PRKN: variants seen among roughly 807,000 people sequenced by gnomAD.
The protein encoded by PRKN is parkin RBR E3 ubiquitin protein ligase, also known as E3 ubiquitin-protein ligase parkin.
PRKN carries 56 observed loss-of-function variants against 59.5 expected under a neutral mutation model. That is an observed-to-expected ratio of 0.94 (90% CI 0.76 to 1.18). The LOEUF is 1.18. PRKN is among the 50% of genes most tolerant of loss of function. The pLI, the probability that PRKN is intolerant of heterozygous loss-of-function variation, is 0.00. For missense variants in PRKN, 657 were observed against 596.4 expected, an observed-to-expected ratio of 1.10 and a Z score of -1.06; for synonymous variants, 250 against 222.1, an observed-to-expected ratio of 1.13 and a Z score of -1.12.
intron 6 of PRKN, among the ~76,000 whole-genome samples, chr6:161,970,950 G>A (rs1401542303): frequency 2.0e-5 from 3 of 152,144 alleles, no homozygotes; most frequent in East Asian, 1.9e-4. Flanking sequence ...CCGTGCAGGC[G>A]CTCATAATGT....
chr6:162,206,749 C>T (rs1303965535), intron 3 of PRKN, among the ~76,000 whole-genome samples: 2 of 152,136 alleles, frequency 1.3e-5, no homozygotes, highest in African/African-American at 4.8e-5. Context: ...AACCTTCTTC[C>T]TCATCATCCA....
At chr6:161,766,372 A>G (rs992402830) in intron 7 of PRKN, among the ~76,000 whole-genome samples, 16 of 148,626 alleles carry the variant, frequency 1.1e-4, no homozygotes, top group African/African-American at 3.7e-4. Flanking sequence ...CAGTGGCTCA[A>G]TCTTGGCTCA....
chr6:162,144,078 G>A (rs1271820722), intron 4 of PRKN, among the ~76,000 whole-genome samples: 1 of 152,122 alleles, frequency 6.6e-6, no homozygotes, highest in Non-Finnish European at 1.5e-5. Context: ...ACTTAAGAAG[G>A]CAAAGAAAGG....
At position 161,922,483 on chromosome 6, in the gene PRKN, ATG is replaced by A. The variant is rs1405639238; in HGVS notation, c.734+50817_734+50818del. 2.9e-5 allele frequency among the ~76,000 whole-genome samples: 4 copies of A among 139,672 alleles called. No individual in the cohort carries two copies. In the East Asian group the frequency reaches 7.7e-4, roughly 27 times the overall value. The allele number at this position is 139,672 out of a possible 152,430, so 91.6% of individuals were successfully genotyped here. ...CTGTTAAGGGAAGGGGGAAATACAT[ATG>A]TGTGTGTATATATACTTATATTTGT... On this transcript the variant is annotated intron_variant, in intron 6 of 11. Transcript: ENST00000366898.
At chr6:161,726,154 C>G (rs140549330) in intron 7 of PRKN, among the ~76,000 whole-genome samples, 7 of 152,286 alleles carry the variant, frequency 4.6e-5, no homozygotes, top group Middle Eastern at 3.4e-3. Flanking sequence ...CAGAGAGGGA[C>G]TGAAATAAAA....
At chr6:162,496,643 T>C (rs761915982) in intron 1 of PRKN, among the ~76,000 whole-genome samples, 1 of 152,220 alleles carries the variant, frequency 6.6e-6, no homozygotes, top group Non-Finnish European at 1.5e-5. Context: ...TTCTGGCTCC[T>C]CGCAATGATC....
intron 7 of PRKN, among the ~76,000 whole-genome samples, chr6:161,689,846 G>A (rs889170030): frequency 2.6e-5 from 4 of 151,984 alleles, no homozygotes; most frequent in African/African-American, 9.7e-5. Flanking sequence ...AAGTAGCTGG[G>A]ATTACATACA....
At chr6:161,528,362 T>C (rs1486386973) in intron 9 of PRKN, among the ~76,000 whole-genome samples, 1 of 150,786 alleles carries the variant, frequency 6.6e-6, no homozygotes, top group African/African-American at 2.5e-5. Context: ...CCAGGAGCTG[T>C]TCCTCCACCC....
At chr6:161,917,257 C>T (rs541957948) in intron 6 of PRKN, among the ~76,000 whole-genome samples, 3 of 152,098 alleles carry the variant, frequency 2.0e-5, no homozygotes, top group Non-Finnish European at 4.4e-5. Flanking sequence ...AGGTGTGTGC[C>T]ACCATGCCTG....
intron 2 of PRKN, among the ~76,000 whole-genome samples, chr6:162,276,707 CTGTGTG>C (rs34617876): frequency 6.9e-6 from 1 of 144,430 alleles, no homozygotes; most frequent in Admixed American, 6.9e-5. Context: ...GTGTGTGTGT[CTGTGTG>C]TGTGTGTGTG....
intron 4 of PRKN, among the ~76,000 whole-genome samples, chr6:162,110,291 T>C (rs891431222): frequency 1.3e-5 from 2 of 152,156 alleles, no homozygotes; most frequent in East Asian, 1.9e-4. Flanking sequence ...TTCTACCATA[T>C]AGTAAAATGG....
At chr6:161,832,346 G>A (rs1025269687) in intron 6 of PRKN, among the ~76,000 whole-genome samples, 3 of 152,036 alleles carry the variant, frequency 2.0e-5, no homozygotes, top group South Asian at 2.1e-4. Flanking sequence ...AATATCGGCC[G>A]GGTGGGGTGG....
rs1205692006 is a variant in PRKN at position 161,554,239 on chromosome 6, T to C, written c.934-5236A>G. On this transcript the variant is annotated intron_variant, in intron 8 of 11. Coordinates refer to ENST00000366898, the MANE Select transcript of PRKN (RefSeq NM_004562.3). This position sits in a 1 kb window ranked among gnomAD's most constrained non-coding sequence, Gnocchi z 4.5. ...ACACAATTTCAGAATAACAATACCA[T>C]CACTGTGCCTATGATTTCTGAAAAC... Among the ~76,000 whole-genome samples the C allele has an allele frequency of 6.6e-6, 1 of 152,204 alleles. No individual in the cohort carries two copies. The highest frequency in any genetic ancestry group is 6.5e-5 in the Admixed American group (1 of 15,272).
chr6:161,953,001 A>G (rs1780045007), intron 6 of PRKN, among the ~76,000 whole-genome samples: 1 of 152,200 alleles, frequency 6.6e-6, no homozygotes, highest in Non-Finnish European at 1.5e-5. Context: ...ACCAAAATCC[A>G]CTGATCATTG....
intron 2 of PRKN, among the ~76,000 whole-genome samples, chr6:162,383,143 A>C (rs1464698420): frequency 1.3e-5 from 2 of 152,258 alleles, no homozygotes; most frequent in South Asian, 4.1e-4. Flanking sequence ...GTTAATGTTA[A>C]TATTTTGACC....
chr6:161,697,832 A>G (rs1786084486), intron 7 of PRKN, among the ~76,000 whole-genome samples: 1 of 152,160 alleles, frequency 6.6e-6, no homozygotes. Flanking sequence ...TTGTGGAACA[A>G]TTTTTTAAAT....
chr6:161,615,818 G>C (rs1191470278), intron 7 of PRKN, among the ~76,000 whole-genome samples: 2 of 152,238 alleles, frequency 1.3e-5, no homozygotes, highest in Admixed American at 1.3e-4. Flanking sequence ...ATGAAGCAAA[G>C]GGGGAGAGAA....
At chr6:162,501,081 T>C (rs929943866) in intron 1 of PRKN, among the ~76,000 whole-genome samples, 5 of 152,100 alleles carry the variant, frequency 3.3e-5, no homozygotes, top group Non-Finnish European at 4.4e-5. Context: ...GGCGAGACGA[T>C]TGCTTGAATC....
intron 9 of PRKN, among the ~76,000 whole-genome samples, chr6:161,431,583 TTTTCTTTC>T (rs1046495310): frequency 9.2e-5 from 14 of 151,988 alleles, no homozygotes; most frequent in Non-Finnish European, 2.1e-4. Context: ...GAATATTTTC[TTTTCTTTC>T]TTTCTTTCTT....
Sources: allele counts gnomAD v4.1 joint callset (sites outside exome capture counted in the v4.1 genomes callset), GRCh38; gene constraint gnomAD v4.1.1; non-coding constraint Gnocchi (gnomAD v3.1); transcripts MANE v1.5; gene names NCBI Gene and HGNC (gene_info 2026-07-23, HGNC 2026-07-21).